Variants in EIF3B observed in about 807,000 individuals in gnomAD.
EIF3B encodes the protein eukaryotic translation initiation factor 3 subunit 9.
EIF3B carries 10 observed loss-of-function variants against 104.6 expected under a neutral mutation model. That is an observed-to-expected ratio of 0.10 (90% CI 0.06 to 0.16). The LOEUF is 0.16. Among genes scored for constraint, EIF3B ranks in the 10% least tolerant of loss-of-function variants. EIF3B has a pLI of 1.00. For missense variants in EIF3B, 1,014 were observed against 1,087.9 expected, an observed-to-expected ratio of 0.93 and a Z score of 0.96; for synonymous variants, 542 against 417.2, an observed-to-expected ratio of 1.30 and a Z score of -3.65.
rs79036455 is a variant in EIF3B at position 2,361,102 on chromosome 7, T to G, written c.692+200T>G. Among the ~76,000 whole-genome samples, 1,212 of 152,208 alleles carry G rather than the reference T, an allele frequency of 8.0e-3. 17 individuals carry two copies. The highest frequency in any genetic ancestry group is 0.027 in the African/African-American group (1,136 of 41,516). ...AAGTTTGTTTTTTTAAGTTAAGGTT[T>G]TAAAGTTTTTAAAATTATCTAGAAT... On this transcript the variant is annotated intron_variant, in intron 2 of 18. Transcript: ENST00000360876.
At chr7:2,364,572 C>G in intron 6 of EIF3B, 43 bp downstream of exon 6, 4 of 1,554,318 alleles carry the variant, frequency 2.6e-6, no homozygotes, top group Non-Finnish European at 3.5e-6. Flanking sequence ...GCATTTCACC[C>G]CATGCCAGCC....
Position 2,354,962 on chromosome 7 carries a change from A to C in EIF3B, c.41A>C (p.Glu14Ala). 1 of 1,215,696 alleles carries C rather than the reference A, an allele frequency of 8.2e-7. No individual in the cohort carries two copies. Among genetic ancestry groups the C allele is most frequent in the Non-Finnish European group, 1.0e-6 (1 of 972,034 alleles). The allele number at this position is 1,215,696 out of a possible 1,614,324, so 75.3% of individuals were successfully genotyped here. Residue 14 changes from glutamate (E) to alanine (A), a missense_variant, in exon 1 of 19, where the codon GAG becomes GCG. Transcript: ENST00000360876. ...AACGTGGCGGTGCCCGAGGCGGCCG[A>C]GGAGCGCGCCGAGCCCGGCCAGCAG... is the stretch of plus-strand genomic sequence containing the variant. ...AENVAVPEAA[E>A]ERAEPGQQQP...
In EIF3B at chr7:2,363,725, G is replaced by A; in HGVS notation, c.964G>A (p.Asp322Asn). 1.9e-6 allele frequency: 3 copies of A among 1,614,086 alleles called. No individual in the cohort carries two copies. Among genetic ancestry groups the A allele is most frequent in the Non-Finnish European group, 2.5e-6 (3 of 1,179,988 alleles). Reference protein sequence around the residue: ...SGDRTSIFWNDVKDPVSIEER... With the variant: ...SGDRTSIFWNNVKDPVSIEER... ...AGACCGCACTTCCATATTCTGGAAT[G>A]ACGTAAAAGACCCTGTCTCAATTGA... The change falls in exon 5 of 19, where the codon GAC (aspartate) becomes AAC (asparagine). Residue 322 changes from aspartate to asparagine, a missense_variant. By Grantham distance (23) the Asp-to-Asn change is conservative. Around this residue, in one of 4 missense-constraint regions of EIF3B, gnomAD observed 201 missense variants for 240.7 expected, o/e 0.83. Coordinates refer to ENST00000360876, the MANE Select transcript of EIF3B (RefSeq NM_001037283.2).
chr7:2,369,329 G>GT, intron 9 of EIF3B, 143 bp from the exon 10 acceptor site: 1 of 850,724 alleles, frequency 1.2e-6, no homozygotes, highest in Non-Finnish European at 1.9e-6. Context: ...GCCCAGAGCA[G>GT]TGGCTGTGCA....
Position 2,379,525 on chromosome 7 carries a change from G to A in EIF3B, c.*14+14G>A. On this transcript the variant is annotated intron_variant, in intron 18 of 18. Coordinates refer to ENST00000360876, the MANE Select transcript of EIF3B (RefSeq NM_001037283.2). ...TGGAGCACTGTGGTGAGCGTCTGCA[G>A]GGGGCGCGATGGGGGTCCTGTTGGC... The A allele has an allele frequency of 6.6e-7, 1 of 1,517,342 alleles. No individual in the cohort carries two copies. Among genetic ancestry groups the A allele is most frequent in the East Asian group, 2.4e-5 (1 of 41,386 alleles). 94.0% of individuals were successfully genotyped at this position (1,517,342 alleles called of 1,614,324 possible). A position where few individuals can be genotyped will look rare whatever the true frequency, so the allele number is the denominator to read the frequency against.
At position 2,355,019 on chromosome 7, in the gene EIF3B, G is replaced by C. The variant is rs889806096; in HGVS notation, c.98G>C (p.Gly33Ala). 1 of 1,184,588 alleles carries C rather than the reference G, an allele frequency of 8.4e-7. No homozygotes were observed. Among genetic ancestry groups the C allele is most frequent in the African/African-American group, 1.6e-5 (1 of 62,224 alleles). 73.4% of individuals were successfully genotyped at this position (1,184,588 alleles called of 1,614,324 possible). A position where few individuals can be genotyped will look rare whatever the true frequency, so the allele number is the denominator to read the frequency against. Residue 33 changes from glycine to alanine, a missense_variant, in exon 1 of 19, where the codon GGG becomes GCG. Physicochemically the swap from Gly to Ala is moderately conservative, Grantham distance 60 (BLOSUM62 0). This residue lies in a region of EIF3B where 488 missense variants were observed against 404.3 expected (regional missense o/e 1.21). Transcript: ENST00000360876. Reference sequence around the variant, plus strand: ...GCCGCCGAGCCGCCGCCAGCCGAGGGGCTGCTGCGGCCCGCGGGGCCCGGC... The same window carrying C: ...GCCGCCGAGCCGCCGCCAGCCGAGGCGCTGCTGCGGCCCGCGGGGCCCGGC... ...QPAAEPPPAE[G>A]LLRPAGPGAP...
rs6461351 is a variant in EIF3B, at chr7:2,379,010, A to G, written c.2233-124A>G. On this transcript the variant is annotated intron_variant, in intron 16 of 18. Coordinates refer to ENST00000360876, the MANE Select transcript of EIF3B (RefSeq NM_001037283.2). ...GGGGAAAAGTGAGAATGAATGGACT[A>G]GCCATTCCTGCTTGAGTGCCTCTGT... The G allele has an allele frequency of 0.73, 604,216 of 824,248 alleles. 223,766 individuals are homozygous for G. The highest frequency in any genetic ancestry group is 0.92 in the East Asian group (34,323 of 37,496). The allele number at this position is 824,248 out of a possible 1,614,324, so 51.1% of individuals were successfully genotyped here. A position where few individuals can be genotyped will look rare whatever the true frequency, so the allele number is the denominator to read the frequency against.
chr7:2,375,635 C>G, intron 14 of EIF3B, 108 bp downstream of exon 14: 1 of 1,494,398 alleles, frequency 6.7e-7, no homozygotes, highest in Non-Finnish European at 9.1e-7. Context: ...CACCAAGCCT[C>G]TGTGTTGAAC....
Position 2,380,585 on chromosome 7 carries a change from A to G in EIF3B, c.*396A>G, listed in dbSNP as rs1186152750. On this transcript the variant is annotated 3_prime_UTR_variant, in exon 19 of 19. Transcript: ENST00000360876. The stretch of plus-strand genomic sequence containing the variant: ...CGGTGCCTGTACACAGCCGAGCAGC[A>G]TTTCCGTTGAAGGACTTGCATCCCC... 1 of 343,668 alleles carries G rather than the reference A, an allele frequency of 2.9e-6. No individual in the cohort carries two copies. The highest frequency in any genetic ancestry group is 2.2e-5 in the African/African-American group (1 of 45,998). 21.3% of individuals were successfully genotyped at this position (343,668 alleles called of 1,614,324 possible). A position where few individuals can be genotyped will look rare whatever the true frequency, so the allele number is the denominator to read the frequency against.
chr7:2,367,157 A>C (rs892402460), intron 9 of EIF3B, 112 bp downstream of exon 9: 1 of 1,052,786 alleles, frequency 9.5e-7, no homozygotes, highest in Non-Finnish European at 1.4e-6. Flanking sequence ...GACAGCTGAG[A>C]TTTCTTTCTC....
intron 10 of EIF3B, 77 bp from the exon 11 acceptor site, chr7:2,371,700 C>T (rs1002511198): frequency 5.2e-5 from 59 of 1,144,280 alleles, no homozygotes; most frequent in Admixed American, 8.6e-5. Context: ...TTCATTGTGA[C>T]GTTGATCTTT....
At chr7:2,364,649 C>G in intron 6 of EIF3B, 120 bp downstream of exon 6, 1 of 887,716 alleles carries the variant, frequency 1.1e-6, no homozygotes, top group Non-Finnish European at 1.7e-6. Context: ...GTATGCAGAA[C>G]GCTAATAAGC....
rs1397720033 is a variant in EIF3B, at chr7:2,369,535, T to C, written c.1467T>C (p.Ile489=). The C allele has an allele frequency of 6.2e-7, 1 of 1,614,192 alleles. No individual in the cohort carries two copies. The highest frequency in any genetic ancestry group is 8.5e-7 in the Non-Finnish European group (1 of 1,180,048). Residue 489 remains isoleucine, a synonymous_variant, in exon 10 of 19, where the codon ATT becomes ATC. Coordinates refer to ENST00000360876, the MANE Select transcript of EIF3B (RefSeq NM_001037283.2). The part of the protein sequence containing the change: ...IAFWVPEDKD[I]PARVTLMQLP... Reference sequence around the variant, plus strand: ...TCTGGGTGCCTGAAGACAAAGATATTCCAGCCAGGGTAACCCTGATGCAGC... The same window carrying C: ...TCTGGGTGCCTGAAGACAAAGATATCCCAGCCAGGGTAACCCTGATGCAGC...
chr7:2,374,237 A>G (rs1780515563), intron 12 of EIF3B: 4 of 315,606 alleles, frequency 1.3e-5, no homozygotes, highest in Non-Finnish European at 2.4e-5. Flanking sequence ...GGGTCCCTGC[A>G]GCAGTGAACA....
intron 12 of EIF3B, 35 bp from the exon 13 acceptor site, chr7:2,374,493 T>C: frequency 6.2e-7 from 1 of 1,609,568 alleles, no homozygotes; most frequent in South Asian, 1.1e-5. Flanking sequence ...GTGGAAGCCC[T>C]CGCAGCTCGT....
intron 1 of EIF3B, among the ~76,000 whole-genome samples, chr7:2,359,910 C>G (rs1779641418): frequency 6.6e-6 from 1 of 152,214 alleles, no homozygotes; most frequent in Non-Finnish European, 1.5e-5. Context: ...AAGACACTGT[C>G]ACATCCCTGT....
intron 6 of EIF3B, among the ~76,000 whole-genome samples, chr7:2,365,099 C>A (rs947741221): frequency 6.6e-6 from 1 of 152,234 alleles, no homozygotes; most frequent in Non-Finnish European, 1.5e-5. Context: ...ACCGCAGGCA[C>A]ACGCCATGAC....
chr7:2,355,432 C>T lies in EIF3B; in HGVS notation c.499+12C>T, dbSNP rs1389046468. On this transcript the variant is annotated intron_variant, in intron 1 of 18. Transcript: ENST00000360876. ...CGTGAGCGAGGAAGGTGAGGGCGCC[C>T]GGGGCGGGGCTGGCGAGCGGCGCGG... is the stretch of plus-strand genomic sequence containing the variant. The T allele has an allele frequency of 1.6e-5, 23 of 1,426,214 alleles. No individual in the cohort carries two copies. In the East Asian group the frequency reaches 4.3e-4, roughly 27 times the overall value. The allele number at this position is 1,426,214 out of a possible 1,614,324, so 88.3% of individuals were successfully genotyped here.
chr7:2,372,112 C>T (rs990669411), intron 11 of EIF3B: 6 of 426,308 alleles, frequency 1.4e-5, no homozygotes, highest in East Asian at 4.2e-5. Context: ...GACGCTGAAG[C>T]GGGAGGATCA....
Sources: allele counts gnomAD v4.1 joint callset (sites outside exome capture counted in the v4.1 genomes callset), GRCh38; gene constraint gnomAD v4.1.1; regional missense constraint gnomAD v4.1.1; transcripts MANE v1.5; gene names NCBI Gene and HGNC (gene_info 2026-07-23, HGNC 2026-07-21).